The following DDR2 variants were observed in gnomAD, a reference collection of about 807,000 sequenced individuals.
DDR2 encodes discoidin domain receptor tyrosine kinase 2, also known as discoidin domain-containing receptor 2.
A neutral mutation model predicts 94.9 loss-of-function variants in DDR2; 27 were observed. The observed-to-expected ratio is 0.28, with a 90% CI of 0.21 to 0.39. The LOEUF (loss-of-function observed/expected upper bound fraction) is 0.39. Among genes scored for constraint, DDR2 ranks in the 10% least tolerant of loss-of-function variants. The pLI is 1.00. For synonymous variants in DDR2, 382 were observed against 377.2 expected (o/e 1.01, Z -0.15); for missense variants, 783 against 1,076.0 (o/e 0.73, Z 3.81).
At chr1:162,640,908 C>A (rs1047600643) in intron 1 of DDR2, among the ~76,000 whole-genome samples, 2 of 151,550 alleles carry the variant, frequency 1.3e-5, no homozygotes, top group Admixed American at 6.6e-5. Context: ...TATGTGCGTA[C>A]TACCACACCT....
chr1:162,691,783 A>C (rs940241371), intron 2 of DDR2, among the ~76,000 whole-genome samples: 2 of 152,252 alleles, frequency 1.3e-5, no homozygotes, highest in Admixed American at 1.3e-4. Context: ...CTGAACTTGC[A>C]TTCTGCTACC....
At chr1:162,680,225 G>A (rs1358793597) in intron 2 of DDR2, among the ~76,000 whole-genome samples, 1 of 152,208 alleles carries the variant, frequency 6.6e-6, no homozygotes, top group South Asian at 2.1e-4. Flanking sequence ...GTCCAGAATG[G>A]TATTTCCTAG....
chr1:162,691,835 A>G (rs896341242), intron 2 of DDR2, among the ~76,000 whole-genome samples: 1 of 152,230 alleles, frequency 6.6e-6, no homozygotes, highest in African/African-American at 2.4e-5. Context: ...TGGAAGATAC[A>G]TAAATTGCCA....
At chr1:162,750,949 A>G (rs964268765) in intron 3 of DDR2, among the ~76,000 whole-genome samples, 1 of 152,236 alleles carries the variant, frequency 6.6e-6, no homozygotes, top group African/African-American at 2.4e-5. Flanking sequence ...CCATACGTAG[A>G]AAGCTGAAAT....
At chr1:162,633,516 A>C (rs957421159) in intron 1 of DDR2, among the ~76,000 whole-genome samples, 1 of 152,222 alleles carries the variant, frequency 6.6e-6, no homozygotes, top group Admixed American at 6.5e-5. Context: ...CCACAGATGT[A>C]AAAAATGATA....
chr1:162,713,618 C>T (rs1661025896), intron 2 of DDR2, among the ~76,000 whole-genome samples: 1 of 152,092 alleles, frequency 6.6e-6, no homozygotes, highest in Admixed American at 6.6e-5. Context: ...ACTTTGCAAC[C>T]TTCTTGTTCA....
intron 3 of DDR2, among the ~76,000 whole-genome samples, chr1:162,732,716 C>T (rs1662117796): frequency 6.6e-6 from 1 of 152,264 alleles, no homozygotes. Context: ...CAGGTCTCTG[C>T]ACCTCAGGCC....
chr1:162,663,657 G>A (rs762152160), intron 2 of DDR2, among the ~76,000 whole-genome samples: 6 of 152,074 alleles, frequency 3.9e-5, no homozygotes, highest in African/African-American at 7.2e-5. Flanking sequence ...AGGAGGCTGC[G>A]GCAGAACCAT....
intron 3 of DDR2, among the ~76,000 whole-genome samples, chr1:162,752,764 T>C (rs1466847352): frequency 6.6e-6 from 1 of 152,226 alleles, no homozygotes; most frequent in Non-Finnish European, 1.5e-5. Flanking sequence ...AAACATCTTC[T>C]AATAAGAGAA....
chr1:162,691,085 G>T (rs1452850656), intron 2 of DDR2, among the ~76,000 whole-genome samples: 1 of 152,152 alleles, frequency 6.6e-6, no homozygotes, highest in Non-Finnish European at 1.5e-5. Context: ...CCTGTTTTTG[G>T]AGGGAACAAC....
At position 162,642,749 on chromosome 1, in the gene DDR2, A is replaced by G. The variant is rs531513571; in HGVS notation, c.-192+10118A>G. ...CATGGGTGTGTTCAGTCCTCTGATG[A>G]TAGAAGTGCTTACCTTTATTTAACC... is the stretch of plus-strand genomic sequence containing the variant. On this transcript the variant is annotated intron_variant, in intron 1 of 17. Transcript: ENST00000367921. 2.0e-5 allele frequency among the ~76,000 whole-genome samples: 3 copies of G among 152,218 alleles called. No individual in the cohort carries two copies. The South Asian group carries it at 6.2e-4, about 32-fold the overall frequency.
rs1199428635 is a variant in DDR2 at position 162,781,571 on chromosome 1, C to G, written c.*1325C>G. 2.0e-5 allele frequency: 3 copies of G among 152,224 alleles called. No individual in the cohort carries two copies. Among genetic ancestry groups the G allele is most frequent in the African/African-American group, 7.2e-5 (3 of 41,452 alleles). The allele number at this position is 152,224 out of a possible 1,614,324, so 9.4% of individuals were successfully genotyped here. ...GAGACAATGTTTAATGTCCTTCTAACTCCGAGAGTCCTTGATTCTGGAGAG... is the reference window on the plus strand; with the variant it reads ...GAGACAATGTTTAATGTCCTTCTAAGTCCGAGAGTCCTTGATTCTGGAGAG... On this transcript the variant is annotated 3_prime_UTR_variant, in exon 18 of 18. Transcript: ENST00000367921.
chr1:162,711,143 T>C (rs948548592), intron 2 of DDR2, among the ~76,000 whole-genome samples: 14 of 152,236 alleles, frequency 9.2e-5, no homozygotes, highest in Non-Finnish European at 1.5e-5. Context: ...ACACAAGCTG[T>C]ATTCCTGAAA....
upstream of DDR2, chr1:162,632,127 G>C (rs1656588587): frequency 6.6e-6 from 1 of 152,006 alleles, no homozygotes; most frequent in African/African-American, 2.4e-5. Flanking sequence ...AGGCGGCGGG[G>C]GGGTGGGGAT....
chr1:162,736,006 G>A lies in DDR2; in HGVS notation c.82+16861G>A, dbSNP rs1662281136. Among the ~76,000 whole-genome samples, 2 of 152,234 alleles carry A rather than the reference G, an allele frequency of 1.3e-5. 1 individual carries two copies. Among genetic ancestry groups the A allele is most frequent in the African/African-American group, 4.8e-5 (2 of 41,462 alleles). On this transcript the variant is annotated intron_variant, in intron 3 of 17. Transcript: ENST00000367921. ...CATTAAAGCCAGGGATGAAAGCCCAGTGGGACGGTCAGTGTGGCTTTCTCT... is the reference window on the plus strand; with the variant it reads ...CATTAAAGCCAGGGATGAAAGCCCAATGGGACGGTCAGTGTGGCTTTCTCT...
In DDR2 at chr1:162,758,613, G is replaced by A. The variant is rs913701038; in HGVS notation, c.672-1183G>A. 2.6e-5 allele frequency among the ~76,000 whole-genome samples: 4 copies of A among 152,144 alleles called. No homozygotes were observed. The East Asian group carries it at 7.7e-4, about 29-fold the overall frequency. On this transcript the variant is annotated intron_variant, in intron 7 of 17. Coordinates refer to ENST00000367921, the MANE Select transcript of DDR2 (RefSeq NM_006182.4). ...GAGAAGAAAAAGATGGCAAAACCTT[G>A]GAAGGGAGATCCAGGCTCTGGTCAC...
At chr1:162,694,775 A>G (rs941247733) in intron 2 of DDR2, among the ~76,000 whole-genome samples, 2 of 152,258 alleles carry the variant, frequency 1.3e-5, no homozygotes, top group Non-Finnish European at 2.9e-5. Context: ...AGTAACTGAT[A>G]GAAATATCTT....
At position 162,783,787 on chromosome 1, in the gene DDR2, T is replaced by G. The variant is rs1441341664; in HGVS notation, c.*3541T>G. 2 of 152,220 alleles carry G rather than the reference T, an allele frequency of 1.3e-5. No individual in the cohort carries two copies. Among genetic ancestry groups the G allele is most frequent in the East Asian group, 3.8e-4 (2 of 5,200 alleles). The allele number at this position is 152,220 out of a possible 1,614,324, so 9.4% of individuals were successfully genotyped here. ...ATAGCAACCATCGGGGAATGACCTTTTCATTTCAGAAGTGGATGAGGAAGG... is the reference window on the plus strand; with the variant it reads ...ATAGCAACCATCGGGGAATGACCTTGTCATTTCAGAAGTGGATGAGGAAGG... On this transcript the variant is annotated 3_prime_UTR_variant, in exon 18 of 18. Coordinates refer to ENST00000367921, the MANE Select transcript of DDR2 (RefSeq NM_006182.4).
chr1:162,646,053 G>A (rs1270847262), intron 1 of DDR2, among the ~76,000 whole-genome samples: 2 of 152,168 alleles, frequency 1.3e-5, no homozygotes, highest in African/African-American at 4.8e-5. Flanking sequence ...GCCATGCAAC[G>A]ACTCAGTTTT....
Sources: gnomAD v4.1 joint callset for allele counts (sites outside exome capture counted in the v4.1 genomes callset) on GRCh38, gnomAD v4.1.1 for gene constraint, MANE v1.5 for transcripts, NCBI Gene and HGNC (gene_info 2026-07-23, HGNC 2026-07-21) for gene names.